Variants in ZRANB3 observed in about 807,000 individuals in gnomAD.
ZRANB3 encodes the protein DNA annealing helicase and endonuclease ZRANB3.
Under a neutral mutation model 133.8 loss-of-function variants are expected in ZRANB3, and 125 were observed. The observed-to-expected ratio is 0.93, with a 90% CI of 0.81 to 1.08. The LOEUF (loss-of-function observed/expected upper bound fraction) is 1.08. ZRANB3 is among the 50% of genes least tolerant of loss of function. The probability of loss-of-function intolerance (pLI) is 0.00; values close to 1 mark genes in which losing one functional copy is unlikely to be tolerated. For synonymous variants in ZRANB3, 387 were observed against 432.7 expected, an observed-to-expected ratio of 0.89 and a Z score of 1.31; for missense variants, 1,229 against 1,275.5, an observed-to-expected ratio of 0.96 and a Z score of 0.56.
intron 8 of ZRANB3, among the ~76,000 whole-genome samples, chr2:135,296,748 G>C (rs996825176): frequency 1.3e-5 from 2 of 152,064 alleles, no homozygotes; most frequent in Non-Finnish European, 2.9e-5. Context: ...CATACAGATG[G>C]GTTTTTGGTG....
At chr2:135,398,238 T>G (rs1354501284) in intron 2 of ZRANB3, among the ~76,000 whole-genome samples, 3 of 151,466 alleles carry the variant, frequency 2.0e-5, no homozygotes, top group Non-Finnish European at 4.4e-5. Context: ...GCTAATTGTT[T>G]TGTTTTTTTA....
At chr2:135,270,823 A>G (rs1680477750) in intron 10 of ZRANB3, among the ~76,000 whole-genome samples, 2 of 152,238 alleles carry the variant, frequency 1.3e-5, no homozygotes, top group Non-Finnish European at 2.9e-5. Context: ...ATGCTCAATT[A>G]CTTTTCCCTA....
At chr2:135,498,343 T>C (rs1692776015) in intron 2 of ZRANB3, among the ~76,000 whole-genome samples, 1 of 152,186 alleles carries the variant, frequency 6.6e-6, no homozygotes, top group South Asian at 2.1e-4. Context: ...TTAATACTTT[T>C]ATAATTTCTT....
chr2:135,472,174 T>C (rs915416851), intron 2 of ZRANB3, among the ~76,000 whole-genome samples: 19 of 152,222 alleles, frequency 1.2e-4, no homozygotes, highest in African/African-American at 4.3e-4. Flanking sequence ...TTCTATCTTA[T>C]AGTGTATTCA....
chr2:135,304,207 T>C (rs1400383154), intron 8 of ZRANB3, among the ~76,000 whole-genome samples: 1 of 152,218 alleles, frequency 6.6e-6, no homozygotes, highest in East Asian at 1.9e-4. Flanking sequence ...TCAGTCTTTC[T>C]GCATTAAGTA....
chr2:135,275,141 C>T (rs1391278224), intron 9 of ZRANB3, among the ~76,000 whole-genome samples: 1 of 152,230 alleles, frequency 6.6e-6, no homozygotes, highest in Non-Finnish European at 1.5e-5. Context: ...CTGTTGGGTA[C>T]ACCTCCCAGA....
In ZRANB3 at chr2:135,230,690, T is replaced by A. The variant is rs1324982548; in HGVS notation, c.1777A>T (p.Thr593Ser). ...CGGATTTGCTTGGACTGGGATGGTGTCTCTTCCGACGGACTGCAGTGGTCT... is the reference window on the plus strand; with the variant it reads ...CGGATTTGCTTGGACTGGGATGGTGACTCTTCCGACGGACTGCAGTGGTCT... The part of the protein sequence containing the change: ...SEDHCSPSEE[T>S]PSQSKQIRTP... Residue 593 changes from threonine to serine, a missense_variant, in exon 13 of 21, where the codon ACA (threonine) becomes TCA (serine). Coordinates refer to ENST00000264159, the MANE Select transcript of ZRANB3 (RefSeq NM_032143.4). 6.2e-7 allele frequency: 1 copy of A among 1,613,020 alleles called. No individual in the cohort carries two copies. The highest frequency in any genetic ancestry group is 8.5e-7 in the Non-Finnish European group (1 of 1,179,560).
At chr2:135,459,044 T>C (rs932761880) in intron 2 of ZRANB3, among the ~76,000 whole-genome samples, 2 of 152,104 alleles carry the variant, frequency 1.3e-5, no homozygotes, top group African/African-American at 4.8e-5. Context: ...TTTTGAACCC[T>C]CTCTTCCCGT....
intron 6 of ZRANB3, among the ~76,000 whole-genome samples, chr2:135,330,185 G>A (rs940794515): frequency 9.2e-5 from 14 of 152,166 alleles, no homozygotes; most frequent in Admixed American, 2.0e-4. Flanking sequence ...GATATTGGCT[G>A]TGGATTGATC....
chr2:135,227,714 G>C, intron 14 of ZRANB3, 98 bp downstream of exon 14: 1 of 1,232,736 alleles, frequency 8.1e-7, no homozygotes, highest in Non-Finnish European at 1.1e-6. Flanking sequence ...AGAGTAAAAG[G>C]AACCTGGAAC....
At chr2:135,230,198 T>C (rs1008090626) in intron 13 of ZRANB3, among the ~76,000 whole-genome samples, 6 of 152,218 alleles carry the variant, frequency 3.9e-5, no homozygotes, top group African/African-American at 1.4e-4. Context: ...GCATATTTGC[T>C]ACCATAGCAA....
intron 8 of ZRANB3, among the ~76,000 whole-genome samples, chr2:135,300,157 A>T (rs1357408794): frequency 6.6e-6 from 1 of 152,228 alleles, no homozygotes; most frequent in African/African-American, 2.4e-5. Context: ...ACAAGATTTC[A>T]TACTGCATAC....
intron 3 of ZRANB3, among the ~76,000 whole-genome samples, chr2:135,359,143 T>G (rs1039350897): frequency 6.6e-6 from 1 of 152,150 alleles, no homozygotes; most frequent in Admixed American, 6.5e-5. Context: ...CCATTGCATC[T>G]CTTCAGGGTG....
intron 6 of ZRANB3, chr2:135,345,061 T>C (rs1440589915): frequency 2.0e-5 from 3 of 152,148 alleles, no homozygotes. Flanking sequence ...ATCTAGCCAA[T>C]AAAAATAAAT....
intron 2 of ZRANB3, among the ~76,000 whole-genome samples, chr2:135,448,114 T>C (rs574976211): frequency 1.3e-5 from 2 of 152,328 alleles, no homozygotes; most frequent in South Asian, 4.1e-4. Context: ...TTTAGTATTT[T>C]AGAGTTCTTG....
At chr2:135,428,727 G>T (rs1048944532) in intron 2 of ZRANB3, among the ~76,000 whole-genome samples, 4 of 152,170 alleles carry the variant, frequency 2.6e-5, no homozygotes, top group African/African-American at 9.7e-5. Context: ...ATGGGCAAAG[G>T]CCACGAACAG....
intron 12 of ZRANB3, among the ~76,000 whole-genome samples, chr2:135,249,081 A>G (rs1679231890): frequency 6.6e-6 from 1 of 152,226 alleles, no homozygotes; most frequent in Non-Finnish European, 1.5e-5. Context: ...ATGGCTATTA[A>G]AAAGTGAAAA....
intron 2 of ZRANB3, among the ~76,000 whole-genome samples, chr2:135,484,217 A>G (rs1260002690): frequency 6.6e-6 from 1 of 152,212 alleles, no homozygotes; most frequent in East Asian, 1.9e-4. Context: ...ATTAAAACAA[A>G]TTACTCTGCC....
At chr2:135,355,640 A>C (rs1011073430) in intron 3 of ZRANB3, among the ~76,000 whole-genome samples, 1 of 152,110 alleles carries the variant, frequency 6.6e-6, no homozygotes, top group African/African-American at 2.4e-5. Flanking sequence ...TGCAGGCATG[A>C]GCCACCGCGC....
Sources: allele counts gnomAD v4.1 joint callset (sites outside exome capture counted in the v4.1 genomes callset), GRCh38; gene constraint gnomAD v4.1.1; transcripts MANE v1.5; gene names NCBI Gene and HGNC (gene_info 2026-07-23, HGNC 2026-07-21).